The following SLC13A3 variants were observed in gnomAD, a reference collection of about 807,000 sequenced individuals.
SLC13A3 encodes solute carrier family 13 member 3.
A neutral mutation model predicts 59.0 loss-of-function variants in SLC13A3; 40 were observed. The ratio of observed to expected loss-of-function variants is 0.68; its 90% CI spans 0.53 to 0.88. SLC13A3 has a LOEUF of 0.88. Ranked by LOEUF, SLC13A3 falls within the 40% of genes least tolerant of loss-of-function variation. The pLI is 0.00. For missense variants in SLC13A3, 699 were observed against 783.2 expected, an observed-to-expected ratio of 0.89 and a Z score of 1.28; for synonymous variants, 317 against 330.3, an observed-to-expected ratio of 0.96 and a Z score of 0.44.
At chr20:46,672,030 A>T (rs1415619559), upstream of SLC13A3, among the ~76,000 whole-genome samples, 1 of 152,226 alleles carries the variant, frequency 6.6e-6, no homozygotes, top group Non-Finnish European at 1.5e-5. Context: ...TGTCTGTTCC[A>T]ATACCATCCA....
rs6017924 is a variant in SLC13A3 at position 46,573,260 on chromosome 20, C to T, written c.1332+2313G>A. The stretch of plus-strand genomic sequence containing the variant: ...GTTGCCCCAGCTAAGGGAGTGCAGT[C>T]GGCTGTCTCAGACCCCAAAAGCGGC... On this transcript the variant is annotated intron_variant, in intron 10 of 12. Transcript: ENST00000279027. 5.5e-4 allele frequency among the ~76,000 whole-genome samples: 83 copies of T among 152,284 alleles called. 1 individual carries two copies. Among genetic ancestry groups the T allele is most frequent in the African/African-American group, 1.7e-3 (71 of 41,562 alleles).
rs1186229430 is a variant in SLC13A3, at chr20:46,678,562, CT to C, written c.-31+5833del. On this transcript the variant is annotated intron_variant, in intron 1 of 6. Transcript: ENST00000372121. ...GGGTGGCCTCATGGCCTCCAGATTG[CT>C]GCTGAACCTCCGGTTATTGCCATTG... is the stretch of plus-strand genomic sequence containing the variant. Among the ~76,000 whole-genome samples the C allele has an allele frequency of 2.0e-5, 3 of 152,190 alleles. No homozygotes were observed. In the South Asian group the frequency reaches 6.2e-4, roughly 32 times the overall value.
chr20:46,582,898 G>A (rs1401733216), intron 9 of SLC13A3: 4 of 985,340 alleles, frequency 4.1e-6, no homozygotes. Flanking sequence ...CAATCTGAAG[G>A]CCACAGTCTA....
At chr20:46,655,296 CATATAT>C (rs1187897707), upstream of SLC13A3, among the ~76,000 whole-genome samples, 92 of 150,504 alleles carry the variant, frequency 6.1e-4, no homozygotes, top group African/African-American at 2.1e-3. Context: ...CATATATACA[CATATAT>C]ACACACACAT....
chr20:46,676,031 C>T (rs557856446), intron 1 of SLC13A3: 480 of 152,316 alleles, frequency 3.2e-3, no homozygotes, highest in Admixed American at 4.7e-3. Context: ...ATCTCAGCCT[C>T]CCAAGTAGCT....
Position 46,596,314 on chromosome 20 carries a change from G to A in SLC13A3, c.637C>T (p.Pro213Ser). The change falls in exon 5 of 13, where the codon CCA becomes TCA. Residue 213 changes from proline (P) to serine (S), a missense_variant. Pro to Ser is a moderately conservative substitution (Grantham distance 74). Coordinates refer to ENST00000279027, the MANE Select transcript of SLC13A3 (RefSeq NM_022829.6). The stretch of plus-strand genomic sequence containing the variant: ...CTGGAGTCAGCCGGCAGATCCAGTG[G>A]AACCTCTGTCTCCCCAGGGTGGTCT... ...AKDHPGETEV[P>S]LDLPADSRKE... 6.2e-7 allele frequency: 1 copy of A among 1,614,142 alleles called. No individual in the cohort carries two copies. Among genetic ancestry groups the A allele is most frequent in the Non-Finnish European group, 8.5e-7 (1 of 1,180,024 alleles).
chr20:46,666,449 T>G (rs1469921286), intron 1 of SLC13A3, among the ~76,000 whole-genome samples: 5 of 151,410 alleles, frequency 3.3e-5, no homozygotes, highest in Non-Finnish European at 5.9e-5. Context: ...AGTGATTTTT[T>G]GTTTTGGTTT....
At chr20:46,615,149 T>G (rs1291319086) in intron 1 of SLC13A3, among the ~76,000 whole-genome samples, 2 of 152,246 alleles carry the variant, frequency 1.3e-5, no homozygotes, top group Non-Finnish European at 2.9e-5. Flanking sequence ...ACTGTTGGAA[T>G]GAAACTATTC....
intron 1 of SLC13A3, among the ~76,000 whole-genome samples, chr20:46,649,662 C>T (rs75778591): frequency 0.012 from 1,846 of 152,260 alleles, 36 homozygotes; most frequent in African/African-American, 0.042. Context: ...GTAATCGCTC[C>T]ACTTACAGGG....
chr20:46,655,269 G>GTATACACATA (rs201042150), upstream of SLC13A3, among the ~76,000 whole-genome samples: 62 of 149,104 alleles, frequency 4.2e-4, no homozygotes, highest in African/African-American at 9.9e-4. Flanking sequence ...ATACACATAT[G>GTATACACATA]TATACACATA....
intron 1 of SLC13A3, among the ~76,000 whole-genome samples, chr20:46,677,575 T>A (rs537943235): frequency 6.6e-6 from 1 of 152,084 alleles, no homozygotes; most frequent in Non-Finnish European, 1.5e-5. Context: ...AAACTTGTGA[T>A]GGGGGCAGAG....
In SLC13A3 at chr20:46,559,333, A is replaced by G. The variant is rs191491757; in HGVS notation, c.*689T>C. Reference sequence around the variant, plus strand: ...GGAGAATCCTAAATCTCTTGGGTCGAGATGTCAGCTGCGGTTTCTAGAACT... The same window carrying G: ...GGAGAATCCTAAATCTCTTGGGTCGGGATGTCAGCTGCGGTTTCTAGAACT... On this transcript the variant is annotated 3_prime_UTR_variant, in exon 13 of 13. Coordinates refer to ENST00000279027, the MANE Select transcript of SLC13A3 (RefSeq NM_022829.6). 2.0e-5 allele frequency: 3 copies of G among 152,388 alleles called. No individual in the cohort carries two copies. The highest frequency in any genetic ancestry group is 7.2e-5 in the African/African-American group (3 of 41,582). 9.4% of individuals were successfully genotyped at this position (152,388 alleles called of 1,614,324 possible). A position where few individuals can be genotyped will look rare whatever the true frequency, so the allele number is the denominator to read the frequency against.
chr20:46,584,072 C>A, intron 8 of SLC13A3: 1 of 985,286 alleles, frequency 1.0e-6, no homozygotes, highest in South Asian at 4.7e-5. Context: ...ATGGGCAGCT[C>A]ACTGCATTGA....
intron 10 of SLC13A3, among the ~76,000 whole-genome samples, chr20:46,571,991 G>A (rs184783335): frequency 3.7e-4 from 56 of 152,278 alleles, no homozygotes; most frequent in African/African-American, 1.3e-3. Context: ...GTCCCATACA[G>A]CTTTCTGTGT....
chr20:46,654,125 T>A (rs755967552), upstream of SLC13A3, among the ~76,000 whole-genome samples: 49 of 152,380 alleles, frequency 3.2e-4, 1 homozygote, highest in Middle Eastern at 3.4e-3. Flanking sequence ...GTGATTTTTT[T>A]AAATAATAGC....
Position 46,683,655 on chromosome 20 carries a change from A to G in SLC13A3, c.-31+741T>C, listed in dbSNP as rs191704636. 1.2e-4 allele frequency among the ~76,000 whole-genome samples: 19 copies of G among 152,168 alleles called. No individual in the cohort carries two copies. In the East Asian group the frequency reaches 3.5e-3, roughly 28 times the overall value. ...AGGACCCCTCTTGTAGCAGAGCGCT[A>G]TTCTCTTTCTTTCAACTATTAAATT... is the stretch of plus-strand genomic sequence containing the variant. On this transcript the variant is annotated intron_variant, in intron 1 of 6. Coordinates refer to the SLC13A3 transcript ENST00000372121.
intron 6 of SLC13A3, among the ~76,000 whole-genome samples, chr20:46,590,372 A>G (rs1476327449): frequency 6.6e-6 from 1 of 152,200 alleles, no homozygotes; most frequent in Non-Finnish European, 1.5e-5. Flanking sequence ...AAGCACCATA[A>G]GCAAAGCCAA....
At chr20:46,600,711 A>G (rs1167040729) in intron 3 of SLC13A3, 1 of 341,606 alleles carries the variant, frequency 2.9e-6, no homozygotes, top group Non-Finnish European at 6.6e-6. Context: ...AGCACCTACT[A>G]TGTGCTATTG....
At chr20:46,576,038 A>G (rs2062072566) in intron 9 of SLC13A3, among the ~76,000 whole-genome samples, 1 of 152,194 alleles carries the variant, frequency 6.6e-6, no homozygotes. Flanking sequence ...TACAGAGAGG[A>G]AAGAAAAAGA....
Sources: allele counts gnomAD v4.1 joint callset (sites outside exome capture counted in the v4.1 genomes callset), GRCh38; gene constraint gnomAD v4.1.1; transcripts MANE v1.5; gene names NCBI Gene and HGNC (gene_info 2026-07-23, HGNC 2026-07-21).